ACBD5: variants seen among roughly 807,000 people sequenced by gnomAD.
The protein encoded by ACBD5 is acyl-CoA-binding domain-containing protein 5.
In ACBD5, 40 loss-of-function variants were observed where a neutral mutation model predicts 71.8. The ratio of observed to expected loss-of-function variants is 0.56; its 90% confidence interval spans 0.43 to 0.72. The LOEUF (loss-of-function observed/expected upper bound fraction) is 0.72. Ranked by LOEUF, ACBD5 falls within the 30% of genes least tolerant of loss-of-function variation. The pLI is 0.00. For synonymous variants in ACBD5, 229 were observed against 218.6 expected (o/e 1.05, Z -0.42); for missense variants, 559 against 644.5 (o/e 0.87, Z 1.44).
chr10:27,189,789 A>ATATAT (rs200900778), intron 13 of ACBD5, among the ~76,000 whole-genome samples: 37 of 147,878 alleles, frequency 2.5e-4, no homozygotes, highest in African/African-American at 8.7e-4. Context: ...TATATATATA[A>ATATAT]ATAAACTTTT....
chr10:27,216,084 G>A (rs545329908), intron 7 of ACBD5, among the ~76,000 whole-genome samples: 3 of 152,016 alleles, frequency 2.0e-5, no homozygotes, highest in Non-Finnish European at 4.4e-5. Flanking sequence ...ATATTGGTGC[G>A]GCTGGTCTCA....
intron 4 of ACBD5, among the ~76,000 whole-genome samples, chr10:27,229,907 A>T (rs940088733): frequency 2.6e-5 from 4 of 152,182 alleles, no homozygotes; most frequent in Non-Finnish European, 4.4e-5. Context: ...GTATTTCAGC[A>T]GCAATATAGT....
intron 4 of ACBD5, among the ~76,000 whole-genome samples, chr10:27,224,941 G>A (rs949734512): frequency 1.3e-5 from 2 of 152,136 alleles, no homozygotes; most frequent in Non-Finnish European, 2.9e-5. Context: ...TGAGGCGAGA[G>A]AATTGCTTGA....
downstream of ACBD5, among the ~76,000 whole-genome samples, chr10:27,192,198 T>C (rs2059108078): frequency 6.6e-6 from 1 of 150,582 alleles, no homozygotes; most frequent in South Asian, 2.1e-4. Context: ...GGAATAAATA[T>C]ATGCCAAAAA....
At position 27,223,382 on chromosome 10, in the gene ACBD5, A is replaced by G. The variant is rs1376456326; in HGVS notation, c.446T>C (p.Ile149Thr). 6.2e-7 allele frequency: 1 copy of G among 1,613,840 alleles called. No homozygotes were observed. The highest frequency in any genetic ancestry group is 8.5e-7 in the Non-Finnish European group (1 of 1,180,010). The change falls in exon 5 of 13, where the codon ATT becomes ACT. Residue 149 changes from isoleucine to threonine, a missense_variant. By Grantham distance (89) the Ile-to-Thr change is moderately conservative. Coordinates refer to ENST00000396271, the MANE Select transcript of ACBD5 (RefSeq NM_145698.5). ...CCTGCCACTCTTTTTGTCCTCGACA[A>G]TTTCATAAAATGGACCTATGACACG... ...LLRVIGPFYE[I>T]VEDKKSGRSS...
At chr10:27,240,970 G>A, upstream of ACBD5, 1 of 589,782 alleles carries the variant, frequency 1.7e-6, no homozygotes, top group Non-Finnish European at 3.0e-6. This position sits in a 1 kb window ranked among gnomAD's most constrained non-coding sequence, Gnocchi z 4.1. Context: ...GGGAAAGGGG[G>A]CCACAGTCCC....
At chr10:27,240,827 C>A, upstream of ACBD5, 4 of 1,317,992 alleles carry the variant, frequency 3.0e-6, no homozygotes, top group Non-Finnish European at 4.2e-6. The surrounding 1 kb of genome is among the most constrained non-coding windows in gnomAD (Gnocchi z 4.1). Context: ...ACAGCCCCGC[C>A]CCAGAGTCAC....
intron 3 of ACBD5, among the ~76,000 whole-genome samples, chr10:27,232,804 C>T (rs1031251828): frequency 6.6e-6 from 1 of 151,918 alleles, no homozygotes; most frequent in Non-Finnish European, 1.5e-5. Flanking sequence ...AAATTTTTGC[C>T]CGACATGTAA....
At position 27,219,826 on chromosome 10, in the gene ACBD5, G is replaced by A. The variant is rs545062218; in HGVS notation, c.522C>T (p.Asn174=). The change falls in exon 6 of 13, where the codon AAC becomes AAT. Residue 174 remains asparagine, a synonymous_variant. Coordinates refer to ENST00000396271, the MANE Select transcript of ACBD5 (RefSeq NM_145698.5). ...DLGNVLTSTP[N]AKTVNGKAES... Reference sequence around the variant, plus strand: ...CAGCTTTACCATTAACGGTTTTGGCGTTTGGAGTAGAAGTGAGAACATTAC... The same window carrying A: ...CAGCTTTACCATTAACGGTTTTGGCATTTGGAGTAGAAGTGAGAACATTAC... 31 of 1,613,904 alleles carry A rather than the reference G, an allele frequency of 1.9e-5. No homozygotes were observed. The Admixed American group carries it at 2.8e-4, about 15-fold the overall frequency.
chr10:27,241,396 C>T (rs1418308869), upstream of ACBD5, among the ~76,000 whole-genome samples: 1 of 152,126 alleles, frequency 6.6e-6, no homozygotes, highest in Non-Finnish European at 1.5e-5. Flanking sequence ...AGTCCCTGGC[C>T]CGCAGGTCTT....
chr10:27,231,391 C>A (rs550164748), intron 4 of ACBD5, among the ~76,000 whole-genome samples: 30 of 152,244 alleles, frequency 2.0e-4, no homozygotes, highest in African/African-American at 7.0e-4. Context: ...GTGGTGTGCA[C>A]CTGTAGTCCC....
downstream of ACBD5, among the ~76,000 whole-genome samples, chr10:27,191,147 A>G (rs2059061059): frequency 6.6e-6 from 1 of 152,220 alleles, no homozygotes; most frequent in South Asian, 2.1e-4. Flanking sequence ...ATGAACTACA[A>G]TGAAAAGACA....
chr10:27,228,204 A>G (rs1217918525), intron 4 of ACBD5, among the ~76,000 whole-genome samples: 3 of 151,272 alleles, frequency 2.0e-5, no homozygotes, highest in Non-Finnish European at 4.4e-5. Context: ...TTCAACAGAC[A>G]TAAGGCACAT....
At chr10:27,225,096 G>T in intron 4 of ACBD5, among the ~76,000 whole-genome samples, 1 of 132,234 alleles carries the variant, frequency 7.6e-6, no homozygotes, top group African/African-American at 3.0e-5. Flanking sequence ...TTTTTTTGGA[G>T]ACAGCGTCTC....
intron 13 of ACBD5, chr10:27,186,367 A>G (rs773388845): frequency 1.9e-6 from 3 of 1,613,288 alleles, no homozygotes; most frequent in Non-Finnish European, 1.7e-6. Flanking sequence ...TTTGTTTTAT[A>G]TTTTTCCTAA....
chr10:27,228,815 A>ATATATATATATATATATTTTT (rs1554856598), intron 4 of ACBD5, among the ~76,000 whole-genome samples: 3 of 20,364 alleles, frequency 1.5e-4, no homozygotes, highest in Non-Finnish European at 1.3e-4. Flanking sequence ...ATATATATAT[A>ATATATATATATATATATTTTT]TTTTTTTTTT....
At chr10:27,215,028 G>T (rs1027376616) in intron 8 of ACBD5, among the ~76,000 whole-genome samples, 1 of 152,140 alleles carries the variant, frequency 6.6e-6, no homozygotes, top group Non-Finnish European at 1.5e-5. Context: ...GCCAGGTGTG[G>T]TGGCACATGC....
intron 4 of ACBD5, among the ~76,000 whole-genome samples, chr10:27,227,095 AG>A (rs1186357548): frequency 1.0e-5 from 1 of 97,104 alleles, no homozygotes; most frequent in Non-Finnish European, 1.9e-5. Context: ...TTCTTCTTCC[AG>A]TGTGGCTCAG....
Position 27,223,448 on chromosome 10 carries a change from A to G in ACBD5, c.380T>C (p.Ile127Thr). 6.2e-7 allele frequency: 1 copy of G among 1,608,100 alleles called. No individual in the cohort carries two copies. Among genetic ancestry groups the G allele is most frequent in the African/African-American group, 1.3e-5 (1 of 74,934 alleles). The change falls in exon 5 of 13, where the codon ATT becomes ACT. Residue 127 changes from isoleucine to threonine, a missense_variant. By Grantham distance (89) the Ile-to-Thr change is moderately conservative. Transcript: ENST00000396271. Reference protein sequence around the residue: ...IAYVEEMKKIIETMPMTEKVE... With the variant: ...IAYVEEMKKITETMPMTEKVE... ...TTTCTCAGTCATTGGCATAGTTTCA[A>G]TAATCTGTAATCAAAAGAAACAAAT...
Sources: allele counts gnomAD v4.1 joint callset (sites outside exome capture counted in the v4.1 genomes callset), GRCh38; gene constraint gnomAD v4.1.1; non-coding constraint Gnocchi (gnomAD v3.1); transcripts MANE v1.5; gene names NCBI Gene and HGNC (gene_info 2026-07-23, HGNC 2026-07-21).